Variants in CDC42EP3 observed in about 807,000 individuals in gnomAD.
The protein encoded by CDC42EP3 is CDC42 effector protein 3.
CDC42EP3 carries 4 observed loss-of-function variants against 15.5 expected under a neutral mutation model. That is an observed-to-expected ratio of 0.26 (90% CI 0.13 to 0.59). The LOEUF (loss-of-function observed/expected upper bound fraction) is 0.59, where lower values mean the gene tolerates loss of function less well. Ranked by LOEUF, CDC42EP3 falls within the 20% of genes least tolerant of loss-of-function variation. The probability of loss-of-function intolerance (pLI) is 0.89; values close to 1 mark genes in which losing one functional copy is unlikely to be tolerated. For synonymous variants in CDC42EP3, 145 were observed against 130.3 expected (o/e 1.11, Z -0.77); for missense variants, 309 against 311.2 (o/e 0.99, Z 0.05).
intron 1 of CDC42EP3, among the ~76,000 whole-genome samples, chr2:37,667,418 G>A (rs1207451851): frequency 6.6e-6 from 1 of 152,100 alleles, no homozygotes; most frequent in Non-Finnish European, 1.5e-5. Context: ...GCAACCCCGG[G>A]CTCCCCAGAA....
intron 1 of CDC42EP3, among the ~76,000 whole-genome samples, chr2:37,658,602 C>G (rs1484486284): frequency 6.6e-6 from 1 of 152,132 alleles, no homozygotes; most frequent in Admixed American, 6.5e-5. Flanking sequence ...CCCTGCCTGC[C>G]TTAGGCATCT....
intron 1 of CDC42EP3, among the ~76,000 whole-genome samples, chr2:37,647,820 T>G (rs973293114): frequency 1.3e-5 from 2 of 152,026 alleles, no homozygotes; most frequent in Admixed American, 6.5e-5. Flanking sequence ...TGTGGAGAGG[T>G]GAGCAGTTAC....
intron 1 of CDC42EP3, among the ~76,000 whole-genome samples, chr2:37,655,069 C>T (rs1204923529): frequency 6.6e-6 from 1 of 152,112 alleles, no homozygotes; most frequent in Admixed American, 6.5e-5. Context: ...TAAGAAGATG[C>T]CTTTTCTATT....
chr2:37,656,137 T>C (rs1665838479), intron 1 of CDC42EP3, among the ~76,000 whole-genome samples: 1 of 152,244 alleles, frequency 6.6e-6, no homozygotes, highest in African/African-American at 2.4e-5. Context: ...TCCACGTTCC[T>C]TGGATGGGCT....
At chr2:37,660,749 C>G (rs1388909001) in intron 1 of CDC42EP3, among the ~76,000 whole-genome samples, 1 of 151,424 alleles carries the variant, frequency 6.6e-6, no homozygotes, top group East Asian at 1.9e-4. Context: ...GTTACCTTCT[C>G]TGATTTATTC....
intron 1 of CDC42EP3, among the ~76,000 whole-genome samples, chr2:37,663,794 A>G (rs920377846): frequency 6.6e-6 from 1 of 152,140 alleles, no homozygotes; most frequent in Non-Finnish European, 1.5e-5. Flanking sequence ...GGAGATTAAC[A>G]TTTGAGTCGG....
At chr2:37,658,756 C>T (rs1467133519) in intron 1 of CDC42EP3, among the ~76,000 whole-genome samples, 3 of 152,200 alleles carry the variant, frequency 2.0e-5, no homozygotes, top group Non-Finnish European at 4.4e-5. Flanking sequence ...TCTCCTCATT[C>T]ATCCCTGCTC....
chr2:37,668,567 C>T (rs1666314217), intron 1 of CDC42EP3, among the ~76,000 whole-genome samples: 1 of 152,154 alleles, frequency 6.6e-6, no homozygotes, highest in Non-Finnish European at 1.5e-5. Context: ...TTTTTTTTCC[C>T]ATCCCCTTAA....
At chr2:37,655,907 AG>A (rs1421006174) in intron 1 of CDC42EP3, among the ~76,000 whole-genome samples, 2 of 152,264 alleles carry the variant, frequency 1.3e-5, no homozygotes, top group Non-Finnish European at 2.9e-5. Context: ...TATTCTATGC[AG>A]TACTCCAGTT....
intron 1 of CDC42EP3, among the ~76,000 whole-genome samples, chr2:37,654,735 G>A (rs1281165519): frequency 1.3e-5 from 2 of 152,106 alleles, no homozygotes; most frequent in African/African-American, 4.8e-5. Flanking sequence ...AAACGCACAC[G>A]GACTTTCCCT....
At position 37,643,981 on chromosome 2, in the gene CDC42EP3, T is replaced by A. The variant is rs910389695; in HGVS notation, c.*1842A>T. On this transcript the variant is annotated 3_prime_UTR_variant, in exon 2 of 2. Coordinates refer to ENST00000295324, the MANE Select transcript of CDC42EP3 (RefSeq NM_006449.5). ...TCTTAAAACAGTCTGAGATTTTTTT[T>A]TTTTTTTTTTTTTGCAATTTTCTAT... 71 of 152,096 alleles carry A rather than the reference T, an allele frequency of 4.7e-4. No homozygotes were observed. Among genetic ancestry groups the A allele is most frequent in the African/African-American group, 1.5e-3 (64 of 41,516 alleles). The allele number at this position is 152,096 out of a possible 1,614,324, so 9.4% of individuals were successfully genotyped here. A position where few individuals can be genotyped will look rare whatever the true frequency, so the allele number is the denominator to read the frequency against.
At chr2:37,663,424 T>A (rs1436550969) in intron 1 of CDC42EP3, among the ~76,000 whole-genome samples, 1 of 152,140 alleles carries the variant, frequency 6.6e-6, no homozygotes, top group African/African-American at 2.4e-5. Flanking sequence ...TAGGCAGCAA[T>A]AGGAAATACA....
At chr2:37,649,685 G>A (rs561091312) in intron 1 of CDC42EP3, among the ~76,000 whole-genome samples, 5 of 152,156 alleles carry the variant, frequency 3.3e-5, no homozygotes, top group Middle Eastern at 3.4e-3. Context: ...CAAGATGCTC[G>A]TCAAGCCCCA....
chr2:37,656,989 C>G (rs867647711), intron 1 of CDC42EP3, among the ~76,000 whole-genome samples: 1 of 82,898 alleles, frequency 1.2e-5, no homozygotes, highest in Non-Finnish European at 2.2e-5. Flanking sequence ...GCCCCCCCCC[C>G]ACCCCCCGCC....
chr2:37,661,129 G>GTGCA (rs59387405), intron 1 of CDC42EP3, among the ~76,000 whole-genome samples: 5 of 98,878 alleles, frequency 5.1e-5, no homozygotes, highest in Admixed American at 1.2e-4. Flanking sequence ...GTGTGTGTGT[G>GTGCA]CGTGTGTGTA....
At chr2:37,670,105 T>C (rs1387406142) in intron 1 of CDC42EP3, among the ~76,000 whole-genome samples, 1 of 152,148 alleles carries the variant, frequency 6.6e-6, no homozygotes, top group Non-Finnish European at 1.5e-5. Context: ...AATTAGAACA[T>C]TACAGGAGCC....
At position 37,642,351 on chromosome 2, in the gene CDC42EP3, G is replaced by T. The variant is rs9742; in HGVS notation, c.*3472C>A. On this transcript the variant is annotated 3_prime_UTR_variant, in exon 2 of 2. Coordinates refer to ENST00000295324, the MANE Select transcript of CDC42EP3 (RefSeq NM_006449.5). Reference sequence around the variant, plus strand: ...GCCAAACCAACCAGAAGGCTTCCCCGCTGGGTTGATGGTGGCTTATCATTT... The same window carrying T: ...GCCAAACCAACCAGAAGGCTTCCCCTCTGGGTTGATGGTGGCTTATCATTT... 0.37 allele frequency: 55,814 copies of T among 152,054 alleles called. 11,420 individuals carry two copies. The highest frequency in any genetic ancestry group is 0.58 in the East Asian group (3,006 of 5,182). The allele number at this position is 152,054 out of a possible 1,614,324, so 9.4% of individuals were successfully genotyped here. A position where few individuals can be genotyped will look rare whatever the true frequency, so the allele number is the denominator to read the frequency against.
At chr2:37,654,731 A>C (rs75473168) in intron 1 of CDC42EP3, among the ~76,000 whole-genome samples, 1 of 152,354 alleles carries the variant, frequency 6.6e-6, no homozygotes, top group East Asian at 1.9e-4. Context: ...AGAAAAACGC[A>C]CACGGACTTT....
At chr2:37,661,060 T>C (rs1666040664) in intron 1 of CDC42EP3, among the ~76,000 whole-genome samples, 1 of 151,696 alleles carries the variant, frequency 6.6e-6, no homozygotes, top group African/African-American at 2.4e-5. Context: ...CTATAGGGAG[T>C]AGTATGTATG....
Sources: gnomAD v4.1 joint callset for allele counts (sites outside exome capture counted in the v4.1 genomes callset) on GRCh38, gnomAD v4.1.1 for gene constraint, MANE v1.5 for transcripts, NCBI Gene and HGNC (gene_info 2026-07-23, HGNC 2026-07-21) for gene names.